Variants in GK observed in about 807,000 individuals in gnomAD.
GK encodes the protein glycerol kinase.
A neutral mutation model predicts 56.4 loss-of-function variants in GK; 9 were observed. That is an observed-to-expected ratio of 0.16 (90% CI 0.10 to 0.28). The LOEUF (loss-of-function observed/expected upper bound fraction) is 0.28. Ranked by LOEUF, GK falls within the 10% of genes least tolerant of loss-of-function variation. The probability of loss-of-function intolerance (pLI) is 1.00; values close to 1 mark genes in which losing one functional copy is unlikely to be tolerated. For missense variants in GK, 161 were observed against 431.4 expected (o/e 0.37, Z 5.55); for synonymous variants, 104 against 144.1 (o/e 0.72, Z 1.99).
At chrX:30,724,069 C>T (rs1297527896) in intron 18 of GK, 32 bp from the exon 19 acceptor site, 3 of 877,497 alleles carry the variant, frequency 3.4e-6, no homozygotes, top group Admixed American at 2.3e-5. Flanking sequence ...AACTACCTTT[C>T]GTTATGTGTT....
At chrX:30,689,621 C>A in intron 4 of GK, 1 of 326,782 alleles carries the variant, frequency 3.1e-6, no homozygotes, top group Non-Finnish European at 6.0e-6. Flanking sequence ...AAGCCACACA[C>A]TGCCAAGGTC....
chrX:30,682,977 C>T (rs1278783947), intron 4 of GK, among the ~76,000 whole-genome samples: 1 of 110,637 alleles, frequency 9.0e-6, no homozygotes, highest in Non-Finnish European at 1.9e-5. Flanking sequence ...ACCCTCATGG[C>T]CTAATTTATC....
At chrX:30,679,302 C>G (rs1013411783) in intron 4 of GK, among the ~76,000 whole-genome samples, 4 of 106,361 alleles carry the variant, frequency 3.8e-5, no homozygotes, top group Non-Finnish European at 7.7e-5. Context: ...TCGGCTCGCT[C>G]TATCTCCCAG....
intron 4 of GK, among the ~76,000 whole-genome samples, chrX:30,677,750 G>C (rs1934005209): frequency 9.3e-6 from 1 of 107,517 alleles, no homozygotes; most frequent in East Asian, 2.9e-4. Flanking sequence ...GATTGAACCT[G>C]GGAGGCAGAG....
intron 1 of GK, among the ~76,000 whole-genome samples, chrX:30,661,579 C>G (rs1422710912): frequency 2.7e-5 from 3 of 111,305 alleles, no homozygotes; most frequent in Non-Finnish European, 5.7e-5. Flanking sequence ...CCCGCATGGA[C>G]TCCCTTCTGT....
chrX:30,722,324 T>TA (rs758391375), intron 18 of GK, among the ~76,000 whole-genome samples: 1 of 112,542 alleles, frequency 8.9e-6, no homozygotes, highest in African/African-American at 3.2e-5. Context: ...CTGGATAAAA[T>TA]ATGAAGTTCA....
At chrX:30,662,750 C>T (rs201945841) in intron 1 of GK, among the ~76,000 whole-genome samples, 712 of 51,151 alleles carry the variant, frequency 0.014, 5 homozygotes, top group Middle Eastern at 0.021. Flanking sequence ...TCTTTCTTTC[C>T]TTCCTTCCTT....
intron 4 of GK, among the ~76,000 whole-genome samples, chrX:30,679,044 G>A (rs187303139): frequency 2.7e-5 from 3 of 109,164 alleles, no homozygotes; most frequent in East Asian, 2.8e-4. Context: ...ATTCTCATGA[G>A]TAATTCATTT....
In GK at chrX:30,697,804, A is replaced by C. The variant is rs763419699; in HGVS notation, c.747+55A>C. The stretch of plus-strand genomic sequence containing the variant: ...CATTCATTTGGAAAAGATACAGTGC[A>C]CTTCCATTTATTTTTAGACAAGCAG... On this transcript the variant is annotated intron_variant, in intron 9 of 20. Coordinates refer to ENST00000427190, the MANE Select transcript of GK (RefSeq NM_001205019.2). 20 of 866,306 alleles carry C rather than the reference A, an allele frequency of 2.3e-5. No homozygotes were observed. The African/African-American group carries it at 3.2e-4, about 14-fold the overall frequency. 71.4% of individuals were successfully genotyped at this position (866,306 alleles called of 1,213,427 possible).
At chrX:30,704,149 T>TATATATATATA (rs1429695034) in intron 11 of GK, among the ~76,000 whole-genome samples, 8 of 96,685 alleles carry the variant, frequency 8.3e-5, no homozygotes, top group African/African-American at 2.1e-4. Flanking sequence ...TATATATATA[T>TATATATATATA]GAGATAGGGT....
At position 30,658,319 on chromosome X, in the gene GK, G is replaced by GT. The variant is rs370352556; in HGVS notation, c.78+4716dup. On this transcript the variant is annotated intron_variant, in intron 1 of 20. Transcript: ENST00000427190. ...GATAAGTAGAGTTGTGATTCTTTTTGTTTTTTTTTTTTCTGAGACGGAGTC... is the reference window on the plus strand; with the variant it reads ...GATAAGTAGAGTTGTGATTCTTTTTGTTTTTTTTTTTTTCTGAGACGGAGTC... Among the ~76,000 whole-genome samples, 704 of 104,517 alleles carry GT rather than the reference G, an allele frequency of 6.7e-3. 4 individuals are homozygous for GT. The highest frequency in any genetic ancestry group is 0.018 in the African/African-American group (533 of 29,045). The allele number at this position is 104,517 out of a possible 115,157, so 90.8% of individuals were successfully genotyped here. A position where few individuals can be genotyped will look rare whatever the true frequency, so the allele number is the denominator to read the frequency against.
At chrX:30,727,417 C>G in intron 19 of GK, 49 bp from the exon 20 acceptor site, 1 of 714,920 alleles carries the variant, frequency 1.4e-6, no homozygotes, top group Non-Finnish European at 2.2e-6. Flanking sequence ...TTATGTGTCT[C>G]TCTTTTGGTT....
At chrX:30,657,411 AAG>A (rs1350099895) in intron 1 of GK, among the ~76,000 whole-genome samples, 1 of 112,299 alleles carries the variant, frequency 8.9e-6, no homozygotes, top group Non-Finnish European at 1.9e-5. Context: ...ACTTCTTGGA[AAG>A]AGAATTAGTG....
chrX:30,696,609 T>C lies in GK; in HGVS notation c.663-8T>C. 1.7e-6 allele frequency: 2 copies of C among 1,173,385 alleles called. No individual in the cohort carries two copies. The highest frequency in any genetic ancestry group is 2.3e-6 in the Non-Finnish European group (2 of 862,236). On this transcript the variant is annotated splice_polypyrimidine_tract_variant and splice_region_variant and intron_variant, in intron 7 of 20. Coordinates refer to ENST00000427190, the MANE Select transcript of GK (RefSeq NM_001205019.2). The stretch of plus-strand genomic sequence containing the variant: ...CAGTGTTAAATACCCAATCTTCTTG[T>C]TTTTCAGATTTTTTGGAATTCCAAT...
At chrX:30,663,584 A>G (rs1005538995) in intron 1 of GK, among the ~76,000 whole-genome samples, 37 of 111,141 alleles carry the variant, frequency 3.3e-4, no homozygotes, top group Admixed American at 1.6e-3. Flanking sequence ...GACTTGTAAG[A>G]TATTTTATCT....
intron 1 of GK, among the ~76,000 whole-genome samples, chrX:30,659,488 G>A (rs188147859): frequency 8.9e-6 from 1 of 112,357 alleles, no homozygotes; most frequent in East Asian, 2.8e-4. Flanking sequence ...GTATCATGGT[G>A]TTCTCAAGAG....
intron 10 of GK, 133 bp downstream of exon 10, chrX:30,700,582 G>T (rs1182525590): frequency 3.7e-6 from 2 of 540,636 alleles, no homozygotes; most frequent in Non-Finnish European, 3.2e-6. Context: ...GCTAATTCTT[G>T]TTCTTACATG....
intron 11 of GK, among the ~76,000 whole-genome samples, chrX:30,701,138 G>C (rs900410607): frequency 8.9e-6 from 1 of 112,118 alleles, no homozygotes; most frequent in Non-Finnish European, 1.9e-5. Flanking sequence ...GGCTGGGCGC[G>C]GTGGCTCACG....
chrX:30,684,497 C>A (rs1394212939), intron 4 of GK, among the ~76,000 whole-genome samples: 6 of 110,958 alleles, frequency 5.4e-5, no homozygotes, highest in Non-Finnish European at 9.4e-5. Context: ...GAAACCCCGT[C>A]TCTACTAAAA....
Sources: allele counts gnomAD v4.1 joint callset (sites outside exome capture counted in the v4.1 genomes callset), GRCh38; gene constraint gnomAD v4.1.1; transcripts MANE v1.5; gene names NCBI Gene and HGNC (gene_info 2026-07-23, HGNC 2026-07-21).